The following SLC4A8 variants were observed in gnomAD, a reference collection of about 807,000 sequenced individuals.
SLC4A8 encodes solute carrier family 4 member 8, also known as electroneutral sodium bicarbonate exchanger 1.
A neutral mutation model predicts 125.0 loss-of-function variants in SLC4A8; 40 were observed. The ratio of observed to expected loss-of-function variants is 0.32; its 90% CI spans 0.25 to 0.42. SLC4A8 has a LOEUF of 0.42. Ranked by LOEUF, SLC4A8 falls within the 10% of genes least tolerant of loss-of-function variation. The pLI is 1.00. For synonymous variants in SLC4A8, 456 were observed against 476.0 expected (o/e 0.96, Z 0.55); for missense variants, 863 against 1,355.1 (o/e 0.64, Z 5.70).
intron 1 of SLC4A8, among the ~76,000 whole-genome samples, chr12:51,406,613 T>A (rs1353153856): frequency 6.6e-6 from 1 of 152,172 alleles, no homozygotes; most frequent in Non-Finnish European, 1.5e-5. Flanking sequence ...GGTAGGTAAG[T>A]GGGAGAGATG....
At chr12:51,438,365 G>A (rs1173572565) in intron 1 of SLC4A8, among the ~76,000 whole-genome samples, 1 of 152,038 alleles carries the variant, frequency 6.6e-6, no homozygotes, top group Non-Finnish European at 1.5e-5. Context: ...CCACATATGA[G>A]TGAGAACATG....
chr12:51,509,087 C>T lies in SLC4A8; in HGVS notation c.*1649C>T, dbSNP rs74470976. ...ACTGGTACAGGACAGATGCCAGCCACTCAGAAGGGATGCCTGCTGTAAACA... is the reference window on the plus strand; with the variant it reads ...ACTGGTACAGGACAGATGCCAGCCATTCAGAAGGGATGCCTGCTGTAAACA... On this transcript the variant is annotated 3_prime_UTR_variant, in exon 25 of 25. Transcript: ENST00000453097. 157 of 152,770 alleles carry T rather than the reference C, an allele frequency of 1.0e-3. 2 individuals carry two copies. In the East Asian group the frequency reaches 0.028, roughly 27 times the overall value. 9.5% of individuals were successfully genotyped at this position (152,770 alleles called of 1,614,324 possible).
chr12:51,393,358 G>A (rs1233068040), intron 1 of SLC4A8, among the ~76,000 whole-genome samples: 1 of 152,116 alleles, frequency 6.6e-6, no homozygotes, highest in Non-Finnish European at 1.5e-5. Flanking sequence ...GCCTCGCAAA[G>A]TGATGGGATT....
intron 13 of SLC4A8, 95 bp downstream of exon 13, chr12:51,470,620 A>G (rs760016578): frequency 8.6e-7 from 1 of 1,162,468 alleles, no homozygotes; most frequent in Non-Finnish European, 1.2e-6. Context: ...GACAGGCAAT[A>G]TCATTTTGGA....
At chr12:51,399,340 T>A (rs951668288) in intron 1 of SLC4A8, among the ~76,000 whole-genome samples, 3 of 152,206 alleles carry the variant, frequency 2.0e-5, no homozygotes, top group African/African-American at 4.8e-5. Context: ...CCTTCTCCCA[T>A]CTGCAGTCAC....
chr12:51,458,413 T>C lies in SLC4A8; in HGVS notation c.764-146T>C, dbSNP rs1592218070. 4 of 621,554 alleles carry C rather than the reference T, an allele frequency of 6.4e-6. No individual in the cohort carries two copies. In the East Asian group the frequency reaches 1.1e-4, roughly 17 times the overall value. 38.5% of individuals were successfully genotyped at this position (621,554 alleles called of 1,614,324 possible). A position where few individuals can be genotyped will look rare whatever the true frequency, so the allele number is the denominator to read the frequency against. ...TAACTAGTAGATAAGGAGAAAGATG[T>C]GTGTGGGTCTTGACTTCGTAGTCAT... On this transcript the variant is annotated intron_variant, in intron 6 of 24. Transcript: ENST00000453097.
At chr12:51,436,332 C>T (rs1234776044) in intron 1 of SLC4A8, among the ~76,000 whole-genome samples, 2 of 152,218 alleles carry the variant, frequency 1.3e-5, no homozygotes, top group East Asian at 3.9e-4. Context: ...GAGTATATGC[C>T]ACTGAGGATG....
chr12:51,402,998 A>G (rs1948421599), intron 1 of SLC4A8: 1 of 336,248 alleles, frequency 3.0e-6, no homozygotes, highest in Admixed American at 3.6e-5. Flanking sequence ...GAATGACTGC[A>G]TGAAGTCCCC....
chr12:51,465,890 C>T (rs896029990), intron 11 of SLC4A8, among the ~76,000 whole-genome samples: 1 of 152,174 alleles, frequency 6.6e-6, no homozygotes, highest in Non-Finnish European at 1.5e-5. Flanking sequence ...CTATAAGTTT[C>T]TGTACTTTCC....
At chr12:51,462,944 G>A (rs1161941020) in intron 10 of SLC4A8, 2 of 152,388 alleles carry the variant, frequency 1.3e-5, no homozygotes, top group Non-Finnish European at 2.9e-5. Context: ...CAGGTGTGAT[G>A]GGGTCAGTCA....
At position 51,416,211 on chromosome 12, in the gene SLC4A8, G is replaced by GTT. The variant is rs57565585; in HGVS notation, c.-111-24477_-111-24476dup. Among the ~76,000 whole-genome samples the GTT allele has an allele frequency of 7.8e-3, 641 of 82,454 alleles. 14 individuals carry two copies. The highest frequency in any genetic ancestry group is 0.024 in the African/African-American group (522 of 21,376). The allele number at this position is 82,454 out of a possible 152,430, so 54.1% of individuals were successfully genotyped here. A position where few individuals can be genotyped will look rare whatever the true frequency, so the allele number is the denominator to read the frequency against. The stretch of plus-strand genomic sequence containing the variant: ...TTTGCCTGTTTGATGGAGGTCTTTT[G>GTT]TTTTTTTTTTTTTTTTTTTTTGAGA... On this transcript the variant is annotated intron_variant, in intron 1 of 24. Coordinates refer to the SLC4A8 transcript ENST00000358657.
chr12:51,413,534 G>A (rs1372387204), intron 1 of SLC4A8, among the ~76,000 whole-genome samples: 1 of 152,138 alleles, frequency 6.6e-6, no homozygotes, highest in Non-Finnish European at 1.5e-5. Context: ...TCTTCTAGTA[G>A]TATTTATAGT....
chr12:51,394,093 A>T (rs369102659), intron 1 of SLC4A8, among the ~76,000 whole-genome samples: 6 of 152,198 alleles, frequency 3.9e-5, no homozygotes, highest in East Asian at 1.9e-4. Flanking sequence ...TCCTGACGTG[A>T]GTCTTGCACC....
In SLC4A8 at chr12:51,453,712, A is replaced by G. The variant is rs1950038295; in HGVS notation, c.574+13A>G. 1 of 1,605,254 alleles carries G rather than the reference A, an allele frequency of 6.2e-7. No homozygotes were observed. The highest frequency in any genetic ancestry group is 8.5e-7 in the Non-Finnish European group (1 of 1,174,556). ...GAAGAAATTTCAGGTAAGGTTGGGG[A>G]AGGGAAAACAGAGCAACTTTCTTAT... On this transcript the variant is annotated intron_variant, in intron 5 of 24. Coordinates refer to ENST00000453097, the MANE Select transcript of SLC4A8 (RefSeq NM_001039960.3).
intron 9 of SLC4A8, 148 bp downstream of exon 9, chr12:51,461,439 C>G (rs1950320688): frequency 1.8e-6 from 1 of 559,344 alleles, no homozygotes; most frequent in South Asian, 2.4e-5. Flanking sequence ...CTCTGAGAGC[C>G]CAGTGTGGAA....
At chr12:51,494,741 A>G in intron 20 of SLC4A8, 1 of 460,360 alleles carries the variant, frequency 2.2e-6, no homozygotes. Flanking sequence ...AGAATTAGAA[A>G]AGATGGATTC....
intron 2 of SLC4A8, chr12:51,450,622 A>T (rs1006841418): frequency 4.4e-6 from 2 of 458,280 alleles, no homozygotes; most frequent in Non-Finnish European, 7.8e-6. Context: ...ACAGTTTGGA[A>T]ATCACATTAT....
rs985237100 is a variant in SLC4A8, at chr12:51,515,481, A to AT, written c.*8050dup. ...GTGGGTCTCATGTAGAGATAGAGAT[A>AT]TTTTTTTGTTTTAGAGATTCCAAAG... is the stretch of plus-strand genomic sequence containing the variant. On this transcript the variant is annotated 3_prime_UTR_variant, in exon 25 of 25. Coordinates refer to ENST00000453097, the MANE Select transcript of SLC4A8 (RefSeq NM_001039960.3). 1 of 152,092 alleles carries AT rather than the reference A, an allele frequency of 6.6e-6. No homozygotes were observed. Among genetic ancestry groups the AT allele is most frequent in the African/African-American group, 2.4e-5 (1 of 41,396 alleles). 9.4% of individuals were successfully genotyped at this position (152,092 alleles called of 1,614,324 possible).
chr12:51,414,690 A>C (rs1408468188), intron 1 of SLC4A8, among the ~76,000 whole-genome samples: 1 of 152,196 alleles, frequency 6.6e-6, no homozygotes, highest in South Asian at 2.1e-4. Flanking sequence ...TGACAGAGTG[A>C]GATACTACCT....
Sources: gnomAD v4.1 joint callset for allele counts (sites outside exome capture counted in the v4.1 genomes callset) on GRCh38, gnomAD v4.1.1 for gene constraint, MANE v1.5 for transcripts, NCBI Gene and HGNC (gene_info 2026-07-23, HGNC 2026-07-21) for gene names.